Variants in MTREX observed in about 807,000 individuals in gnomAD.
MTREX encodes Mtr4 exosome RNA helicase, also known as exosome RNA helicase MTR4.
Under a neutral mutation model 135.4 loss-of-function variants are expected in MTREX, and 76 were observed. The observed-to-expected ratio is 0.56, with a 90% CI of 0.47 to 0.68. The LOEUF is 0.68. MTREX is among the 30% of genes least tolerant of loss of function. The probability of loss-of-function intolerance (pLI) is 0.00; values close to 1 mark genes in which losing one functional copy is unlikely to be tolerated. For synonymous variants in MTREX, 404 were observed against 401.6 expected (o/e 1.01, Z -0.07); for missense variants, 920 against 1,262.1 (o/e 0.73, Z 4.11).
rs534017023 is a variant in MTREX, at chr5:55,413,581, G to A, written c.2752-601G>A. Among the ~76,000 whole-genome samples, 11 of 152,232 alleles carry A rather than the reference G, an allele frequency of 7.2e-5. No individual in the cohort carries two copies. In the South Asian group the frequency reaches 2.3e-3, roughly 32 times the overall value. Reference sequence around the variant, plus strand: ...TTGTCCAACTTAATTTGGCTACTTAGTGTACACCTGAAACTCCATTATCTA... The same window carrying A: ...TTGTCCAACTTAATTTGGCTACTTAATGTACACCTGAAACTCCATTATCTA... On this transcript the variant is annotated intron_variant, in intron 23 of 26. Transcript: ENST00000230640.
intron 22 of MTREX, among the ~76,000 whole-genome samples, chr5:55,408,222 AC>A (rs1345695502): frequency 6.6e-6 from 1 of 151,644 alleles, no homozygotes; most frequent in Non-Finnish European, 1.5e-5. Flanking sequence ...TTTCACCCCC[AC>A]CCCATATCCT....
At chr5:55,381,023 A>G (rs1440427202) in intron 18 of MTREX, among the ~76,000 whole-genome samples, 3 of 152,162 alleles carry the variant, frequency 2.0e-5, no homozygotes, top group Non-Finnish European at 4.4e-5. Flanking sequence ...TCTACTTGGT[A>G]TGGCATGTTC....
chr5:55,394,527 G>A (rs974431299), intron 19 of MTREX, among the ~76,000 whole-genome samples: 7 of 152,050 alleles, frequency 4.6e-5, no homozygotes, highest in Admixed American at 1.3e-4. Flanking sequence ...TTCTCATAAC[G>A]ACCAGGCGAC....
At chr5:55,341,810 T>C in intron 7 of MTREX, 39 bp downstream of exon 7, 1 of 1,010,478 alleles carries the variant, frequency 9.9e-7, no homozygotes, top group Non-Finnish European at 1.5e-6. Context: ...GTATTTCCCT[T>C]CAGAATGACA....
At chr5:55,413,563 A>C (rs1039908668) in intron 23 of MTREX, among the ~76,000 whole-genome samples, 1 of 152,172 alleles carries the variant, frequency 6.6e-6, no homozygotes. Flanking sequence ...AGCTTGTCCA[A>C]CTTAATTTGG....
chr5:55,362,433 T>C (rs193153570), intron 15 of MTREX, among the ~76,000 whole-genome samples: 4 of 152,270 alleles, frequency 2.6e-5, no homozygotes, highest in Non-Finnish European at 5.9e-5. Context: ...TGATCTTGGC[T>C]CACTGCGACC....
At chr5:55,361,809 T>C (rs1750015581) in intron 15 of MTREX, among the ~76,000 whole-genome samples, 1 of 151,806 alleles carries the variant, frequency 6.6e-6, no homozygotes, top group African/African-American at 2.4e-5. Context: ...CCCAGGCTGA[T>C]CTCGATCTTC....
chr5:55,415,963 T>G lies in MTREX; in HGVS notation c.2809-7T>G. The G allele has an allele frequency of 1.3e-6, 2 of 1,573,388 alleles. No homozygotes were observed. Among genetic ancestry groups the G allele is most frequent in the Non-Finnish European group, 1.7e-6 (2 of 1,164,286 alleles). On this transcript the variant is annotated splice_polypyrimidine_tract_variant and splice_region_variant and intron_variant, in intron 24 of 26. Coordinates refer to ENST00000230640, the MANE Select transcript of MTREX (RefSeq NM_015360.5). Reference sequence around the variant, plus strand: ...AGTAAGGAATTTTAACTCTTTTATCTTTAAAGGAATGTGCTAAAAGAATTG... The same window carrying G: ...AGTAAGGAATTTTAACTCTTTTATCGTTAAAGGAATGTGCTAAAAGAATTG...
intron 14 of MTREX, among the ~76,000 whole-genome samples, chr5:55,354,908 C>T (rs1579865890): frequency 6.6e-6 from 1 of 152,192 alleles, no homozygotes; most frequent in Non-Finnish European, 1.5e-5. Context: ...ACCCACCTCC[C>T]ACAGGGACTC....
At chr5:55,311,361 A>T (rs1749109052) in intron 1 of MTREX, among the ~76,000 whole-genome samples, 1 of 152,122 alleles carries the variant, frequency 6.6e-6, no homozygotes, top group African/African-American at 2.4e-5. Flanking sequence ...ATGTTTTTTG[A>T]TCATTGGTAG....
intron 21 of MTREX, among the ~76,000 whole-genome samples, chr5:55,401,528 T>C (rs1750723666): frequency 6.6e-6 from 1 of 152,250 alleles, no homozygotes; most frequent in African/African-American, 2.4e-5. Flanking sequence ...ATGGATCATA[T>C]GGTAACTCTA....
intron 14 of MTREX, among the ~76,000 whole-genome samples, chr5:55,355,845 A>T (rs1749902467): frequency 6.6e-6 from 1 of 152,200 alleles, no homozygotes; most frequent in African/African-American, 2.4e-5. Flanking sequence ...GAATGTAGAG[A>T]GTCAGGGAAG....
intron 23 of MTREX, 25 bp from the exon 24 acceptor site, chr5:55,414,157 A>G: frequency 6.6e-7 from 1 of 1,526,032 alleles, no homozygotes; most frequent in South Asian, 1.3e-5. Flanking sequence ...GGGTTTTTAT[A>G]TCTTGTTTTC....
At chr5:55,390,074 C>A (rs1750541255) in intron 19 of MTREX, among the ~76,000 whole-genome samples, 1 of 151,924 alleles carries the variant, frequency 6.6e-6, no homozygotes, top group African/African-American at 2.4e-5. Context: ...CCAAATTTAG[C>A]TTTTTATCAG....
intron 14 of MTREX, chr5:55,357,430 A>C (rs1247577882): frequency 6.5e-6 from 1 of 154,790 alleles, no homozygotes; most frequent in African/African-American, 2.4e-5. Flanking sequence ...TATACATACC[A>C]CTCTGAGTGC....
At chr5:55,324,078 C>A in intron 2 of MTREX, 54 bp from the exon 3 acceptor site, 2 of 1,314,398 alleles carry the variant, frequency 1.5e-6, no homozygotes, top group South Asian at 2.5e-5. Flanking sequence ...GGCTTATTAT[C>A]AAATTATAGA....
rs943866065 is a variant in MTREX, at chr5:55,318,240, A to G, written c.135-4087A>G. On this transcript the variant is annotated intron_variant, in intron 1 of 26. Coordinates refer to ENST00000230640, the MANE Select transcript of MTREX (RefSeq NM_015360.5). ...TCATCAAAGAGCTAAAAACAGATATACCATTAGACCCAGCAATCCCATTAC... is the reference window on the plus strand; with the variant it reads ...TCATCAAAGAGCTAAAAACAGATATGCCATTAGACCCAGCAATCCCATTAC... 6.8e-4 allele frequency among the ~76,000 whole-genome samples: 104 copies of G among 152,276 alleles called. 1 individual carries two copies. The highest frequency in any genetic ancestry group is 1.2e-3 in the Non-Finnish European group (82 of 68,022).
At chr5:55,349,718 T>G in intron 12 of MTREX, 66 bp downstream of exon 12, 1 of 879,136 alleles carries the variant, frequency 1.1e-6, no homozygotes, top group African/African-American at 1.7e-5. Flanking sequence ...CACTTTACAT[T>G]GCTTGGTTTT....
intron 25 of MTREX, among the ~76,000 whole-genome samples, chr5:55,421,130 T>G (rs973534565): frequency 8.5e-5 from 13 of 152,332 alleles, no homozygotes; most frequent in African/African-American, 3.1e-4. Context: ...TAGCCTATGA[T>G]GGGTCATGGC....
Sources: gnomAD v4.1 joint callset for allele counts (sites outside exome capture counted in the v4.1 genomes callset) on GRCh38, gnomAD v4.1.1 for gene constraint, MANE v1.5 for transcripts, NCBI Gene and HGNC (gene_info 2026-07-23, HGNC 2026-07-21) for gene names.